PALM: variants seen among roughly 807,000 people sequenced by gnomAD.
PALM encodes the protein paralemmin-1.
Under a neutral mutation model 30.7 loss-of-function variants are expected in PALM, and 18 were observed. That is an observed-to-expected ratio of 0.59 (90% confidence interval 0.41 to 0.87). The LOEUF is 0.87. Among genes scored for constraint, PALM ranks in the 40% least tolerant of loss-of-function variants. The pLI, the probability that PALM is intolerant of heterozygous loss-of-function variation, is 0.00. For missense variants in PALM, 529 were observed against 555.4 expected (o/e 0.95, Z 0.48); for synonymous variants, 286 against 242.8 (o/e 1.18, Z -1.66).
rs1474249323 is a variant in PALM at position 745,232 on chromosome 19, G to GTC, written c.635-1051_635-1050dup. ...CCAGTTCCCCAGGGTGGGTGGTCCT[G>GTC]TCTTGTAGAAGAGAAACAGGCCCCG... On this transcript the variant is annotated intron_variant, in intron 8 of 8. Coordinates refer to ENST00000338448, the MANE Select transcript of PALM (RefSeq NM_002579.3). 2.1e-4 allele frequency among the ~76,000 whole-genome samples: 32 copies of GTC among 152,334 alleles called. 1 individual carries two copies. The highest frequency in any genetic ancestry group is 1.8e-3 in the Admixed American group (28 of 15,306).
At chr19:728,331 C>T (rs2032759564) in intron 4 of PALM, among the ~76,000 whole-genome samples, 1 of 152,212 alleles carries the variant, frequency 6.6e-6, no homozygotes, top group Non-Finnish European at 1.5e-5. Context: ...CAAACGTCTG[C>T]CCTGGCCAGG....
rs915120184 is a variant in PALM, at chr19:709,236, A to G, written c.5+85A>G. 3.2e-5 allele frequency: 9 copies of G among 276,924 alleles called. No individual in the cohort carries two copies. In the Admixed American group the frequency reaches 4.9e-4, roughly 15 times the overall value. 17.2% of individuals were successfully genotyped at this position (276,924 alleles called of 1,614,324 possible). A position where few individuals can be genotyped will look rare whatever the true frequency, so the allele number is the denominator to read the frequency against. On this transcript the variant is annotated intron_variant, in intron 1 of 8. Coordinates refer to ENST00000338448, the MANE Select transcript of PALM (RefSeq NM_002579.3). This position sits in a 1 kb window ranked among gnomAD's most constrained non-coding sequence, Gnocchi z 4.3. ...GGGGAGGCCCCCTCTCTCGCGCCCC[A>G]TTGGGGGCGTCGCTGCCCCCGCGAG...
chr19:740,959 C>A (rs187373408), intron 8 of PALM, among the ~76,000 whole-genome samples: 1 of 147,056 alleles, frequency 6.8e-6, no homozygotes, highest in Non-Finnish European at 1.5e-5. Flanking sequence ...AGCAAGGCTC[C>A]GTCTCTACCA....
In PALM at chr19:746,247, C is replaced by A; in HGVS notation, c.635-38C>A. 6.3e-7 allele frequency: 1 copy of A among 1,583,392 alleles called. No individual in the cohort carries two copies. The highest frequency in any genetic ancestry group is 8.6e-7 in the Non-Finnish European group (1 of 1,159,342). ...AGGTCACTCTCTCTGTCCCTCCTGC[C>A]TGGAGCTGGGTCATTCTCTCTGTCT... On this transcript the variant is annotated intron_variant, in intron 8 of 8. Transcript: ENST00000338448. The surrounding 1 kb of genome is among the most constrained non-coding windows in gnomAD (Gnocchi z 7.1).
At position 746,974 on chromosome 19, in the gene PALM, A is replaced by G. The variant is rs953765051; in HGVS notation, c.*160A>G. ...GTTTTCTTTCGCTGGAAAGAGGGAC[A>G]GGGGCCCCCACCCGTCACCACGCCC... On this transcript the variant is annotated 3_prime_UTR_variant, in exon 9 of 9. Transcript: ENST00000338448. This position sits in a 1 kb window ranked among gnomAD's most constrained non-coding sequence, Gnocchi z 7.1. The G allele has an allele frequency of 1.6e-6, 1 of 612,022 alleles. No homozygotes were observed. The highest frequency in any genetic ancestry group is 2.8e-5 in the East Asian group (1 of 36,106). The allele number at this position is 612,022 out of a possible 1,614,324, so 37.9% of individuals were successfully genotyped here. A position where few individuals can be genotyped will look rare whatever the true frequency, so the allele number is the denominator to read the frequency against.
intron 8 of PALM, among the ~76,000 whole-genome samples, chr19:745,904 C>G (rs1024909787): frequency 6.6e-6 from 1 of 150,988 alleles, no homozygotes; most frequent in Non-Finnish European, 1.5e-5. Flanking sequence ...ACTAAAAATA[C>G]AAAATTAGCT....
rs955473307 is a variant in PALM, at chr19:709,989, C to A, written c.5+838C>A. 6.6e-6 allele frequency among the ~76,000 whole-genome samples: 1 copy of A among 152,124 alleles called. No homozygotes were observed. Among genetic ancestry groups the A allele is most frequent in the African/African-American group, 2.4e-5 (1 of 41,436 alleles). ...ACACCGGTCCCCTCCTCCCGGTGCT[C>A]GGGTGCCCCTCTGCCCCTCACTCCC... On this transcript the variant is annotated intron_variant, in intron 1 of 8. Coordinates refer to ENST00000338448, the MANE Select transcript of PALM (RefSeq NM_002579.3). This position sits in a 1 kb window ranked among gnomAD's most constrained non-coding sequence, Gnocchi z 4.3.
At position 742,323 on chromosome 19, in the gene PALM, G is replaced by A. The variant is rs1426429359; in HGVS notation, c.634+1840G>A. 6.6e-6 allele frequency among the ~76,000 whole-genome samples: 1 copy of A among 152,076 alleles called. No individual in the cohort carries two copies. The highest frequency in any genetic ancestry group is 1.5e-5 in the Non-Finnish European group (1 of 68,018). On this transcript the variant is annotated intron_variant, in intron 8 of 8. Transcript: ENST00000338448. The surrounding 1 kb of genome is among the most constrained non-coding windows in gnomAD (Gnocchi z 5.5). ...ACATTTCATAGAAATGAGATCACAC[G>A]GCCGGGTGCGGTGGCTCACACCTGT...
intron 1 of PALM, among the ~76,000 whole-genome samples, chr19:711,632 T>G (rs2032082389): frequency 6.6e-6 from 1 of 152,246 alleles, no homozygotes; most frequent in Non-Finnish European, 1.5e-5. Context: ...TATCTGTTTC[T>G]TCCTCCATGT....
chr19:723,136 G>A (rs868325400), intron 1 of PALM, among the ~76,000 whole-genome samples: 11 of 152,212 alleles, frequency 7.2e-5, no homozygotes, highest in Middle Eastern at 3.4e-3. Flanking sequence ...ACTGGGGGAG[G>A]GGATGGGGGC....
Position 740,487 on chromosome 19 carries a change from C to G in PALM, c.634+4C>G. 2 of 1,549,042 alleles carry G rather than the reference C, an allele frequency of 1.3e-6. No individual in the cohort carries two copies. Among genetic ancestry groups the G allele is most frequent in the African/African-American group, 2.7e-5 (2 of 73,166 alleles). On this transcript the variant is annotated splice_donor_region_variant and intron_variant, in intron 8 of 8. Coordinates refer to ENST00000338448, the MANE Select transcript of PALM (RefSeq NM_002579.3). Reference sequence around the variant, plus strand: ...GTCTACGAGGACGAGACCAAAGGTACGAGCACCCCGGCCCCTGCCCTCCCT... The same window carrying G: ...GTCTACGAGGACGAGACCAAAGGTAGGAGCACCCCGGCCCCTGCCCTCCCT...
intron 1 of PALM, among the ~76,000 whole-genome samples, chr19:721,915 AT>A (rs1171907807): frequency 8.2e-5 from 12 of 145,642 alleles, no homozygotes; most frequent in Admixed American, 1.4e-4. Context: ...AAAAATTTTC[AT>A]TTTTTTAATA....
At chr19:734,568 A>C in intron 6 of PALM, 1 of 260,986 alleles carries the variant, frequency 3.8e-6, no homozygotes, top group Non-Finnish European at 7.4e-6. Context: ...GCCGCCGGCC[A>C]GGCCCAGTGG....
chr19:721,253 G>T (rs961793232), intron 1 of PALM, among the ~76,000 whole-genome samples: 1 of 152,084 alleles, frequency 6.6e-6, no homozygotes, highest in Non-Finnish European at 1.5e-5. Context: ...GACAGGGTCT[G>T]ATTAATTATT....
intron 7 of PALM, among the ~76,000 whole-genome samples, chr19:739,130 AT>A (rs2033112132): frequency 6.6e-6 from 1 of 152,068 alleles, no homozygotes; most frequent in South Asian, 2.1e-4. Flanking sequence ...TGCAGGAATG[AT>A]TTTTACAGAG....
In PALM at chr19:747,362, G is replaced by C. The variant is rs75568300; in HGVS notation, c.*548G>C. On this transcript the variant is annotated 3_prime_UTR_variant, in exon 9 of 9. Transcript: ENST00000338448. ...GGGGTGAGGCCGTGCCTCTTTGGGG[G>C]CTAAAGGTCTTGGGTGGAGGACAGG... 4,605 of 155,702 alleles carry C rather than the reference G, an allele frequency of 0.03. 374 individuals are homozygous for C. The East Asian group carries it at 0.33, about 11-fold the overall frequency. 9.6% of individuals were successfully genotyped at this position (155,702 alleles called of 1,614,324 possible). A position where few individuals can be genotyped will look rare whatever the true frequency, so the allele number is the denominator to read the frequency against.
rs369957240 is a variant in PALM at position 746,461 on chromosome 19, C to T, written c.811C>T (p.Arg271Trp). The change falls in exon 9 of 9, where the codon CGG (arginine) becomes TGG (tryptophan). Residue 271 changes from arginine to tryptophan, a missense_variant. Physicochemically the swap from Arg to Trp is moderately radical, Grantham distance 101. Coordinates refer to ENST00000338448, the MANE Select transcript of PALM (RefSeq NM_002579.3). This position sits in a 1 kb window ranked among gnomAD's most constrained non-coding sequence, Gnocchi z 7.1. Reference protein sequence around the residue: ...EGAARTTPSRREITGVQAQPG... With the variant: ...EGAARTTPSRWEITGVQAQPG... ...GGCAGCCCGGACCACGCCCTCCCGG[C>T]GGGAGATCACCGGTGTGCAGGCACA... 19 of 1,608,894 alleles carry T rather than the reference C, an allele frequency of 1.2e-5. No individual in the cohort carries two copies. Among genetic ancestry groups the T allele is most frequent in the African/African-American group, 2.7e-5 (2 of 74,824 alleles).
chr19:729,232 A>C (rs1186065279), intron 4 of PALM, among the ~76,000 whole-genome samples: 1 of 150,966 alleles, frequency 6.6e-6, no homozygotes, highest in African/African-American at 2.4e-5. Context: ...AGGCTGAGGC[A>C]GGAGAATTGC....
intron 7 of PALM, among the ~76,000 whole-genome samples, chr19:738,362 TA>T (rs1165341005): frequency 6.6e-6 from 1 of 151,736 alleles, no homozygotes; most frequent in Non-Finnish European, 1.5e-5. Flanking sequence ...CTGTCTCTAG[TA>T]AAAATACAAA....
Sources: allele counts gnomAD v4.1 joint callset (sites outside exome capture counted in the v4.1 genomes callset), GRCh38; gene constraint gnomAD v4.1.1; non-coding constraint Gnocchi (gnomAD v3.1); transcripts MANE v1.5; gene names NCBI Gene and HGNC (gene_info 2026-07-23, HGNC 2026-07-21).